The following LOC122539214 variants were observed in gnomAD, a reference collection of about 807,000 sequenced individuals.
chr19:52,683,272 GTGTGTGTGTA>G, the LOC122539214 span, among the ~76,000 whole-genome samples: 56 of 83,824 alleles, frequency 6.7e-4, no homozygotes, highest in African/African-American at 1.9e-3. Flanking sequence ...GTGTGTGTGT[GTGTGTGTGTA>G]TGCTCACGTG....
the LOC122539214 span, among the ~76,000 whole-genome samples, chr19:52,672,314 G>C: frequency 2.0e-5 from 3 of 152,200 alleles, no homozygotes; most frequent in African/African-American, 7.2e-5. Context: ...ATATCTGTAA[G>C]TTAACATGTA....
the LOC122539214 span, chr19:52,652,807 T>A: frequency 1.1e-6 from 1 of 904,536 alleles, no homozygotes; most frequent in Non-Finnish European, 1.8e-6. Context: ...CTCATTGCAC[T>A]TATAAGGATT....
chr19:52,657,585 T>C, the LOC122539214 span, among the ~76,000 whole-genome samples: 1 of 152,176 alleles, frequency 6.6e-6, no homozygotes, highest in South Asian at 2.1e-4. Context: ...CAGTAGCTCA[T>C]GCCTGTAATC....
chr19:52,659,613 C>CAAAAAAAAAAAAAAAAAAAAAAAAAA, the LOC122539214 span, among the ~76,000 whole-genome samples: 1 of 114,292 alleles, frequency 8.7e-6, no homozygotes, highest in Non-Finnish European at 1.8e-5. Context: ...GACTCCAACT[C>CAAAAAAAAAAAAAAAAAAAAAAAAAA]AAAAAAAAAA....
chr19:52,652,056 G>T, the LOC122539214 span: 2 of 238,970 alleles, frequency 8.4e-6, no homozygotes, highest in South Asian at 1.2e-4. Context: ...AGTGACCTCA[G>T]ACTAAAGACA....
At chr19:52,660,988 C>G in the LOC122539214 span, 1 of 152,330 alleles carries the variant, frequency 6.6e-6, no homozygotes, top group Non-Finnish European at 1.5e-5. Flanking sequence ...CCTCAGTGTA[C>G]CAAGTAGCTG....
chr19:52,680,244 G>A, the LOC122539214 span, among the ~76,000 whole-genome samples: 491 of 152,220 alleles, frequency 3.2e-3, 2 homozygotes, highest in African/African-American at 0.011. Flanking sequence ...ACCAGGCAGA[G>A]CCAAGATAGA....
the LOC122539214 span, among the ~76,000 whole-genome samples, chr19:52,667,333 T>G: frequency 6.6e-6 from 1 of 152,104 alleles, no homozygotes; most frequent in African/African-American, 2.4e-5. Flanking sequence ...AAGGGATGTT[T>G]GCAACAATTC....
At chr19:52,659,108 C>T in the LOC122539214 span, among the ~76,000 whole-genome samples, 6 of 152,096 alleles carry the variant, frequency 3.9e-5, no homozygotes, top group African/African-American at 1.4e-4. Flanking sequence ...AGCTAATGCC[C>T]TCTTGTGAGG....
the LOC122539214 span, among the ~76,000 whole-genome samples, chr19:52,685,400 A>T: frequency 7.9e-5 from 12 of 152,114 alleles, no homozygotes; most frequent in African/African-American, 2.7e-4. Flanking sequence ...AAAATTACAG[A>T]AGCATCTTTC....
chr19:52,665,781 C>G, the LOC122539214 span, among the ~76,000 whole-genome samples: 4 of 152,108 alleles, frequency 2.6e-5, no homozygotes, highest in Non-Finnish European at 4.4e-5. Context: ...GGGCCTCATG[C>G]GTCTGGAGTA....
At chr19:52,653,894 T>G in the LOC122539214 span, among the ~76,000 whole-genome samples, 1 of 152,238 alleles carries the variant, frequency 6.6e-6, no homozygotes, top group Non-Finnish European at 1.5e-5. Context: ...CCACACTCAT[T>G]ACATTGGAAA....
chr19:52,666,284 G>C, the LOC122539214 span, among the ~76,000 whole-genome samples: 2 of 151,890 alleles, frequency 1.3e-5, no homozygotes, highest in African/African-American at 4.8e-5. Context: ...GAGAGAGAGA[G>C]AGTAGTAGTA....
the LOC122539214 span, among the ~76,000 whole-genome samples, chr19:52,688,030 A>G: frequency 6.6e-6 from 1 of 152,212 alleles, no homozygotes; most frequent in Admixed American, 6.5e-5. Flanking sequence ...CATGTCTCAT[A>G]GACAGGAATT....
At chr19:52,655,429 A>G in the LOC122539214 span, 1 of 861,274 alleles carries the variant, frequency 1.2e-6, no homozygotes, top group Non-Finnish European at 1.8e-6. Context: ...CAGGAGGATC[A>G]TCACTGCAGA....
chr19:52,652,639 T>G, the LOC122539214 span: 2 of 500,548 alleles, frequency 4.0e-6, no homozygotes, highest in Admixed American at 4.9e-5. Flanking sequence ...TTTACTACAC[T>G]TGTAAGATCT....
the LOC122539214 span, chr19:52,674,316 C>G: frequency 2.0e-5 from 3 of 152,214 alleles, no homozygotes; most frequent in Non-Finnish European, 2.9e-5. Flanking sequence ...GAAATGACCA[C>G]AGCTGAAATA....
the LOC122539214 span, among the ~76,000 whole-genome samples, chr19:52,658,802 C>G: frequency 0.31 from 46,453 of 151,920 alleles, 7,750 homozygotes; most frequent in African/African-American, 0.43. Context: ...GGCCCTCTAG[C>G]GGGAGGCTGA....
the LOC122539214 span, among the ~76,000 whole-genome samples, chr19:52,657,647 C>T: frequency 4.0e-5 from 6 of 151,368 alleles, no homozygotes; most frequent in East Asian, 2.0e-4. Flanking sequence ...CAGGAATTCG[C>T]GACCAGCCTG....
Sources: gnomAD v4.1 joint callset for allele counts (sites outside exome capture counted in the v4.1 genomes callset) on GRCh38, gnomAD v4.1.1 for gene constraint, MANE v1.5 for transcripts.